The following FHIT variants were observed in gnomAD, a reference collection of about 807,000 sequenced individuals.
FHIT encodes the protein fragile histidine triad diadenosine triphosphatase, also known as bis(5'-adenosyl)-triphosphatase.
In FHIT, 19 loss-of-function variants were observed where a neutral mutation model predicts 17.9. That is an observed-to-expected ratio of 1.06 (90% CI 0.74 to 1.56). The LOEUF is 1.56. Among genes scored for constraint, FHIT ranks in the 40% most tolerant of loss-of-function variants. The probability of loss-of-function intolerance (pLI) is 0.00; values close to 1 mark genes in which losing one functional copy is unlikely to be tolerated. For synonymous variants in FHIT, 81 were observed against 69.7 expected (o/e 1.16, Z -0.81); for missense variants, 248 against 189.2 (o/e 1.31, Z -1.82).
intron 5 of FHIT, among the ~76,000 whole-genome samples, chr3:60,172,619 A>G (rs1314609029): frequency 6.6e-6 from 1 of 152,008 alleles, no homozygotes; most frequent in Non-Finnish European, 1.5e-5. Flanking sequence ...GACGTGGGAT[A>G]GGGGCAGAAA....
chr3:60,085,351 T>TG (rs779020846), intron 5 of FHIT, among the ~76,000 whole-genome samples: 30 of 152,108 alleles, frequency 2.0e-4, no homozygotes, highest in Non-Finnish European at 3.5e-4. Context: ...ATCCTTTGCT[T>TG]GGGTTTTTTT....
At chr3:60,941,691 C>A (rs1165835645) in intron 3 of FHIT, among the ~76,000 whole-genome samples, 1 of 152,192 alleles carries the variant, frequency 6.6e-6, no homozygotes, top group Non-Finnish European at 1.5e-5. Flanking sequence ...CAAATCCTGA[C>A]CATATTCCAT....
At chr3:60,842,614 C>T (rs2736757) in intron 3 of FHIT, among the ~76,000 whole-genome samples, 2,588 of 113,318 alleles carry the variant, frequency 0.023, 113 homozygotes, top group African/African-American at 0.061. Flanking sequence ...TATATATATA[C>T]ATATATATAT....
intron 5 of FHIT, among the ~76,000 whole-genome samples, chr3:60,295,560 C>T (rs568247548): frequency 6.6e-6 from 1 of 152,160 alleles, no homozygotes; most frequent in Admixed American, 6.5e-5. Flanking sequence ...GCTACCCGGA[C>T]AGCACTAAGC....
At chr3:60,430,143 T>A (rs17063104) in intron 5 of FHIT, among the ~76,000 whole-genome samples, 19,866 of 151,980 alleles carry the variant, frequency 0.13, 1,572 homozygotes, top group Admixed American at 0.25. Flanking sequence ...AGATTTGCAG[T>A]ATTAAAAAGA....
At chr3:60,231,157 G>A (rs929932496) in intron 5 of FHIT, among the ~76,000 whole-genome samples, 1 of 152,078 alleles carries the variant, frequency 6.6e-6, no homozygotes, top group Non-Finnish European at 1.5e-5. Flanking sequence ...TGAAATGGGA[G>A]GAAAAATTTT....
chr3:61,130,003 A>G (rs904814378), intron 2 of FHIT, among the ~76,000 whole-genome samples: 1 of 152,220 alleles, frequency 6.6e-6, no homozygotes, highest in African/African-American at 2.4e-5. Context: ...TAGAAATTCC[A>G]GAAAATGTGT....
At chr3:59,907,910 C>T (rs1704661708) in intron 8 of FHIT, among the ~76,000 whole-genome samples, 2 of 152,188 alleles carry the variant, frequency 1.3e-5, no homozygotes, top group African/African-American at 2.4e-5. Context: ...TCAATTCCAT[C>T]TTTAAGGCCA....
intron 3 of FHIT, among the ~76,000 whole-genome samples, chr3:60,851,912 AG>A (rs1703169779): frequency 6.6e-6 from 1 of 152,164 alleles, no homozygotes; most frequent in African/African-American, 2.4e-5. Flanking sequence ...AAAGAAAAAA[AG>A]CAAAGTCCAC....
At chr3:60,551,174 G>A (rs1576860081) in intron 4 of FHIT, among the ~76,000 whole-genome samples, 1 of 151,902 alleles carries the variant, frequency 6.6e-6, no homozygotes, top group Admixed American at 6.6e-5. Flanking sequence ...GCAAGGCAGA[G>A]GTGAGGAGAT....
At chr3:60,312,064 T>C (rs774894535) in intron 5 of FHIT, among the ~76,000 whole-genome samples, 2 of 152,186 alleles carry the variant, frequency 1.3e-5, no homozygotes, top group Admixed American at 6.5e-5. Flanking sequence ...GTACTTAGCA[T>C]ACAGCAAGGG....
Position 61,214,268 on chromosome 3 carries a change from A to G in FHIT, c.-212-13603T>C, listed in dbSNP as rs187946503. 4.3e-3 allele frequency among the ~76,000 whole-genome samples: 654 copies of G among 152,328 alleles called. 7 individuals are homozygous for G. Among genetic ancestry groups the G allele is most frequent in the African/African-American group, 0.015 (628 of 41,558 alleles). ...AATTGACAGACAGCTAGCAAGACTA[A>G]TAAAGAAGAAAAGAGAGAAGAATCA... is the stretch of plus-strand genomic sequence containing the variant. On this transcript the variant is annotated intron_variant, in intron 1 of 9. Transcript: ENST00000492590.
chr3:60,156,322 C>T (rs928229954), intron 5 of FHIT, among the ~76,000 whole-genome samples: 18 of 150,774 alleles, frequency 1.2e-4, no homozygotes, highest in Non-Finnish European at 1.8e-4. Flanking sequence ...TGCACTCCAG[C>T]CTGGGTGACA....
chr3:60,326,972 G>C (rs769883423), intron 5 of FHIT, among the ~76,000 whole-genome samples: 4 of 152,126 alleles, frequency 2.6e-5, no homozygotes, highest in Admixed American at 6.6e-5. Context: ...ATATAAATGA[G>C]AAGAGAGAGA....
intron 5 of FHIT, among the ~76,000 whole-genome samples, chr3:60,041,322 A>C (rs76649563): frequency 1.3e-5 from 2 of 152,178 alleles, no homozygotes; most frequent in African/African-American, 4.8e-5. Context: ...CCAACTCAGA[A>C]GTACCTTCAT....
At chr3:59,866,439 G>T (rs1702653480) in intron 8 of FHIT, among the ~76,000 whole-genome samples, 1 of 152,190 alleles carries the variant, frequency 6.6e-6, no homozygotes, top group South Asian at 2.1e-4. Flanking sequence ...GGGTGTCATT[G>T]TGTAGTGGTT....
chr3:60,084,869 C>G lies in FHIT; in HGVS notation c.104-70717G>C, dbSNP rs137909673. Among the ~76,000 whole-genome samples, 113 of 151,976 alleles carry G rather than the reference C, an allele frequency of 7.4e-4. 1 individual carries two copies. Among genetic ancestry groups the G allele is most frequent in the Non-Finnish European group, 8.7e-4 (59 of 67,926 alleles). ...GACTTTTTTTTTTCTTTTTCACACT[C>G]TTAGAATCAGGGATGGGTTAGATGT... On this transcript the variant is annotated intron_variant, in intron 5 of 9. Coordinates refer to ENST00000492590, the MANE Select transcript of FHIT (RefSeq NM_002012.4).
intron 5 of FHIT, among the ~76,000 whole-genome samples, chr3:60,148,644 C>A (rs60934543): frequency 4.6e-5 from 7 of 151,928 alleles, no homozygotes; most frequent in Admixed American, 4.6e-4. Flanking sequence ...TACACCACAC[C>A]GTAGTTAAAG....
chr3:60,714,813 T>C (rs1171356033), intron 4 of FHIT, among the ~76,000 whole-genome samples: 9 of 152,206 alleles, frequency 5.9e-5, no homozygotes, highest in Non-Finnish European at 1.0e-4. Context: ...GAACATTCCA[T>C]GCTCATGAGT....
Sources: gnomAD v4.1 joint callset for allele counts (sites outside exome capture counted in the v4.1 genomes callset) on GRCh38, gnomAD v4.1.1 for gene constraint, MANE v1.5 for transcripts, NCBI Gene and HGNC (gene_info 2026-07-23, HGNC 2026-07-21) for gene names.